The following NDUFA8 variants were observed in gnomAD, a reference collection of about 807,000 sequenced individuals.
NDUFA8 encodes the protein NADH:ubiquinone oxidoreductase subunit A8, also known as NADH dehydrogenase [ubiquinone] 1 alpha subcomplex subunit 8.
In NDUFA8, 16 loss-of-function variants were observed where a neutral mutation model predicts 20.9. The observed-to-expected ratio is 0.77, with a 90% confidence interval of 0.52 to 1.16. The LOEUF (loss-of-function observed/expected upper bound fraction) is 1.16, where lower values mean the gene tolerates loss of function less well. NDUFA8 is among the 50% of genes most tolerant of loss of function. The pLI is 0.00. For missense variants in NDUFA8, 202 were observed against 216.4 expected, an observed-to-expected ratio of 0.93 and a Z score of 0.42; for synonymous variants, 70 against 76.1, an observed-to-expected ratio of 0.92 and a Z score of 0.41.
the NDUFA8 span, among the ~76,000 whole-genome samples, chr9:122,138,876 C>A: frequency 2.1e-5 from 2 of 94,360 alleles, no homozygotes; most frequent in African/African-American, 3.5e-5. Flanking sequence ...GGGGGGGGGG[C>A]CATCTGAGCA....
rs548010549 is a variant in NDUFA8 at position 122,158,739 on chromosome 9, GTGTATATATATATAT to G, written c.51+873_51+887del. On this transcript the variant is annotated intron_variant, in intron 1 of 3. Coordinates refer to ENST00000373768, the MANE Select transcript of NDUFA8 (RefSeq NM_014222.3). The stretch of plus-strand genomic sequence containing the variant: ...ATACATATATATATATACACCAATT[GTGTATATATATATAT>G]GGTATATATATATACACACCAATTG... Among the ~76,000 whole-genome samples the G allele has an allele frequency of 2.6e-3, 383 of 147,884 alleles. 1 individual carries two copies. Among genetic ancestry groups the G allele is most frequent in the African/African-American group, 9.0e-3 (361 of 40,016 alleles).
At position 122,152,300 on chromosome 9, in the gene NDUFA8, T is replaced by C; in HGVS notation, c.160A>G (p.Arg54Gly). The change falls in exon 2 of 4, where the codon AGG becomes GGG. Residue 54 changes from arginine to glycine, a missense_variant. Physicochemically the swap from Arg to Gly is moderately radical, Grantham distance 125. Transcript: ENST00000373768. ...AGTTTGCCTTCCTCTAAACACCGCCTCGGATCTTTCTCTTCCCAGCGGCAG... is the reference window on the plus strand; with the variant it reads ...AGTTTGCCTTCCTCTAAACACCGCCCCGGATCTTTCTCTTCCCAGCGGCAG... ...MLCRWEEKDP[R>G]RCLEEGKLVN... 1 of 1,614,180 alleles carries C rather than the reference T, an allele frequency of 6.2e-7. No individual in the cohort carries two copies. Among genetic ancestry groups the C allele is most frequent in the Non-Finnish European group, 8.5e-7 (1 of 1,180,050 alleles).
chr9:122,151,093 A>C (rs1828989947), intron 2 of NDUFA8, among the ~76,000 whole-genome samples: 1 of 152,160 alleles, frequency 6.6e-6, no homozygotes, highest in Non-Finnish European at 1.5e-5. Context: ...GATTATAACC[A>C]CAAAAATATC....
chr9:122,153,190 C>G, intron 1 of NDUFA8, among the ~76,000 whole-genome samples: 1 of 151,526 alleles, frequency 6.6e-6, no homozygotes, highest in East Asian at 1.9e-4. Context: ...TTGCTTGAAC[C>G]CAGGAGGCAG....
chr9:122,135,560 C>G, the NDUFA8 span, among the ~76,000 whole-genome samples: 1 of 152,168 alleles, frequency 6.6e-6, no homozygotes, highest in African/African-American at 2.4e-5. Context: ...AAGCAAAGAG[C>G]CCGGGTTCTG....
rs1253964990 is a variant in NDUFA8 at position 122,159,745 on chromosome 9, T to C, written c.-68A>G. The stretch of plus-strand genomic sequence containing the variant: ...TCGCCCCCGTCTCCTTGAACTCCCC[T>C]TTCGACCGCCGAGTGCCACACGGCG... On this transcript the variant is annotated 5_prime_UTR_variant, in exon 1 of 4. Transcript: ENST00000373768. 9 of 1,609,264 alleles carry C rather than the reference T, an allele frequency of 5.6e-6. No homozygotes were observed. In the African/African-American group the frequency reaches 1.2e-4, roughly 22 times the overall value.
At position 122,148,191 on chromosome 9, in the gene NDUFA8, C is replaced by T. The variant is rs763028715; in HGVS notation, c.302G>A (p.Arg101His). ...YTGQQLFRHC[R>H]KQQAKFDECV... ...CTCGTCAAACTTTGCCTGCTGTTTG[C>T]GACAGTGACGAAATAACTGCTGGCC... The change falls in exon 3 of 4, where the codon CGC (arginine) becomes CAC (histidine). Residue 101 changes from arginine (R) to histidine (H), a missense_variant. Physicochemically the swap from Arg to His is conservative, Grantham distance 29 (BLOSUM62 0). Coordinates refer to ENST00000373768, the MANE Select transcript of NDUFA8 (RefSeq NM_014222.3). 5.0e-6 allele frequency: 8 copies of T among 1,613,974 alleles called. No homozygotes were observed. The highest frequency in any genetic ancestry group is 1.6e-4 in the Middle Eastern group (1 of 6,084).
At chr9:122,158,453 T>G (rs901611901) in intron 1 of NDUFA8, among the ~76,000 whole-genome samples, 3 of 152,108 alleles carry the variant, frequency 2.0e-5, no homozygotes, top group Admixed American at 2.0e-4. Flanking sequence ...CATCAAACTG[T>G]ACTTGGCTCC....
chr9:122,151,977 T>G (rs1371750245), intron 2 of NDUFA8, among the ~76,000 whole-genome samples: 2 of 152,188 alleles, frequency 1.3e-5, no homozygotes, highest in African/African-American at 4.8e-5. Flanking sequence ...CCCCTTGCTG[T>G]AGCAAAAATG....
intron 1 of NDUFA8, among the ~76,000 whole-genome samples, chr9:122,154,925 AACAT>A (rs1829055995): frequency 6.6e-6 from 1 of 152,230 alleles, no homozygotes; most frequent in Non-Finnish European, 1.5e-5. Context: ...TTATAAATGT[AACAT>A]AGAGCATTAA....
intron 2 of NDUFA8, among the ~76,000 whole-genome samples, chr9:122,151,610 A>G (rs771042586): frequency 7.2e-5 from 11 of 152,242 alleles, no homozygotes; most frequent in Non-Finnish European, 1.2e-4. Flanking sequence ...AGAGGCAAAA[A>G]GACATCAAGT....
chr9:122,148,281 G>C lies in NDUFA8; in HGVS notation c.216-4C>G. On this transcript the variant is annotated splice_region_variant and splice_polypyrimidine_tract_variant and intron_variant, in intron 2 of 3. Coordinates refer to ENST00000373768, the MANE Select transcript of NDUFA8 (RefSeq NM_014222.3). Reference sequence around the variant, plus strand: ...TGCACAGTGACGTTTTATCTGCCTGGAAAAGAAAGCTGGGTTAGGGGCATC... The same window carrying C: ...TGCACAGTGACGTTTTATCTGCCTGCAAAAGAAAGCTGGGTTAGGGGCATC... 6.2e-7 allele frequency: 1 copy of C among 1,614,068 alleles called. No individual in the cohort carries two copies. Among genetic ancestry groups the C allele is most frequent in the Non-Finnish European group, 8.5e-7 (1 of 1,179,988 alleles).
At chr9:122,139,227 G>A (rs1828786888), downstream of NDUFA8, among the ~76,000 whole-genome samples, 2 of 152,270 alleles carry the variant, frequency 1.3e-5, no homozygotes, top group East Asian at 1.9e-4. Context: ...GTTTGTTCCT[G>A]CAGACTGGGA....
At chr9:122,136,898 C>T in the NDUFA8 span, among the ~76,000 whole-genome samples, 1 of 152,186 alleles carries the variant, frequency 6.6e-6, no homozygotes, top group Non-Finnish European at 1.5e-5. Flanking sequence ...TCCCAACTTT[C>T]TGCTTCGGTT....
At position 122,144,176 on chromosome 9, in the gene NDUFA8, C is replaced by T. The variant is rs1828862612; in HGVS notation, c.*65G>A. On this transcript the variant is annotated 3_prime_UTR_variant, in exon 4 of 4. Coordinates refer to ENST00000373768, the MANE Select transcript of NDUFA8 (RefSeq NM_014222.3). The stretch of plus-strand genomic sequence containing the variant: ...AGAACACACTATCAGTCGATGCAAA[C>T]CGCATGGGCGTTTTCATCAGTCGTT... 1.2e-6 allele frequency: 2 copies of T among 1,611,792 alleles called. No individual in the cohort carries two copies. Among genetic ancestry groups the T allele is most frequent in the East Asian group, 2.2e-5 (1 of 44,878 alleles).
intron 1 of NDUFA8, among the ~76,000 whole-genome samples, chr9:122,156,418 C>G (rs1317707066): frequency 6.6e-6 from 1 of 151,970 alleles, no homozygotes; most frequent in Non-Finnish European, 1.5e-5. Context: ...TTGAGTTTTC[C>G]TAAATTTATG....
At position 122,159,662 on chromosome 9, in the gene NDUFA8, C is replaced by T. The variant is rs1401281814; in HGVS notation, c.16G>A (p.Glu6Lys). 1.9e-6 allele frequency: 3 copies of T among 1,614,060 alleles called. No individual in the cohort carries two copies. Among genetic ancestry groups the T allele is most frequent in the African/African-American group, 1.3e-5 (1 of 74,938 alleles). Residue 6 changes from glutamate to lysine, a missense_variant, in exon 1 of 4, where the codon GAG (glutamate) becomes AAG (lysine). Glu to Lys is a moderately conservative substitution (Grantham distance 56). Coordinates refer to ENST00000373768, the MANE Select transcript of NDUFA8 (RefSeq NM_014222.3). MPGIV[E>K]LPTLEELKVD... ...TTCAGCTCCTCTAGAGTGGGCAGCT[C>T]CACTATCCCCGGCATGACGGCTGCA...
At chr9:122,133,594 G>A in the NDUFA8 span, among the ~76,000 whole-genome samples, 3 of 152,276 alleles carry the variant, frequency 2.0e-5, no homozygotes, top group East Asian at 1.9e-4. Context: ...CAGGGGATGC[G>A]TTCTATGGCA....
Position 122,144,136 on chromosome 9 carries a change from T to C in NDUFA8, c.*105A>G. The C allele has an allele frequency of 6.3e-7, 1 of 1,590,398 alleles. No individual in the cohort carries two copies. The highest frequency in any genetic ancestry group is 8.6e-7 in the Non-Finnish European group (1 of 1,167,840). On this transcript the variant is annotated 3_prime_UTR_variant, in exon 4 of 4. Coordinates refer to ENST00000373768, the MANE Select transcript of NDUFA8 (RefSeq NM_014222.3). The stretch of plus-strand genomic sequence containing the variant: ...ACATAAGTTAACTTTTTTGTTAATG[T>C]TTGTGATCCCGGAAAGAACACACTA...
Sources: gnomAD v4.1 joint callset for allele counts (sites outside exome capture counted in the v4.1 genomes callset) on GRCh38, gnomAD v4.1.1 for gene constraint, MANE v1.5 for transcripts, NCBI Gene and HGNC (gene_info 2026-07-23, HGNC 2026-07-21) for gene names.